Variants in LSAMP observed in about 807,000 individuals in gnomAD.
LSAMP encodes limbic system associated membrane protein.
In LSAMP, 7 loss-of-function variants were observed where a neutral mutation model predicts 38.6. The ratio of observed to expected loss-of-function variants is 0.18; its 90% confidence interval spans 0.10 to 0.34. The LOEUF is 0.34. Ranked by LOEUF, LSAMP falls within the 10% of genes least tolerant of loss-of-function variation. LSAMP has a pLI of 1.00. For missense variants in LSAMP, 313 were observed against 420.0 expected (o/e 0.75, Z 2.23); for synonymous variants, 154 against 166.8 (o/e 0.92, Z 0.59).
chr3:116,400,077 C>G (rs535918294), intron 1 of LSAMP, among the ~76,000 whole-genome samples: 1 of 152,306 alleles, frequency 6.6e-6, no homozygotes, highest in South Asian at 2.1e-4. Context: ...AATATTAAGG[C>G]TACAGTAATA....
At chr3:116,039,136 G>A (rs561645395) in intron 2 of LSAMP, among the ~76,000 whole-genome samples, 94 of 152,326 alleles carry the variant, frequency 6.2e-4, no homozygotes, top group African/African-American at 2.2e-3. Context: ...GTTGAGAAAT[G>A]TAAGCTATTG....
rs2107431804 is a variant in LSAMP, at chr3:115,802,864, T to C, written c.*7453A>G. 6.6e-6 allele frequency: 1 copy of C among 152,268 alleles called. No individual in the cohort carries two copies. Among genetic ancestry groups the C allele is most frequent in the East Asian group, 1.9e-4 (1 of 5,178 alleles). The allele number at this position is 152,268 out of a possible 1,614,324, so 9.4% of individuals were successfully genotyped here. ...GGGAGTTGGAAGTGTTCTCTTTTGC[T>C]TCTCTCCCCCTGAATTTCTTCCCTT... On this transcript the variant is annotated 3_prime_UTR_variant, in exon 7 of 7. Transcript: ENST00000490035.
rs55818433 is a variant in LSAMP, at chr3:116,060,198, G to GTTTTTTT, written c.388+26119_388+26125dup. The stretch of plus-strand genomic sequence containing the variant: ...TTGCCTAAGTCTTTAAAGCAACATA[G>GTTTTTTT]TTTTTTTTTTTTTTACTAGCAGCAT... On this transcript the variant is annotated intron_variant, in intron 2 of 6. Coordinates refer to ENST00000490035, the MANE Select transcript of LSAMP (RefSeq NM_002338.5). Among the ~76,000 whole-genome samples the GTTTTTTT allele has an allele frequency of 4.2e-5, 6 of 142,018 alleles. 1 individual carries two copies. Among genetic ancestry groups the GTTTTTTT allele is most frequent in the African/African-American group, 1.6e-4 (6 of 37,208 alleles). 93.2% of individuals were successfully genotyped at this position (142,018 alleles called of 152,430 possible). A position where few individuals can be genotyped will look rare whatever the true frequency, so the allele number is the denominator to read the frequency against.
At chr3:116,267,690 C>A (rs1024470491) in intron 1 of LSAMP, among the ~76,000 whole-genome samples, 1 of 151,510 alleles carries the variant, frequency 6.6e-6, no homozygotes, top group Non-Finnish European at 1.5e-5. Context: ...TCTGTTCTGA[C>A]GCCATCCTCT....
At position 116,060,198 on chromosome 3, in the gene LSAMP, G is replaced by GTTTTTTTTTTTTT. The variant is rs55818433; in HGVS notation, c.388+26113_388+26125dup. Reference sequence around the variant, plus strand: ...TTGCCTAAGTCTTTAAAGCAACATAGTTTTTTTTTTTTTTACTAGCAGCAT... The same window carrying GTTTTTTTTTTTTT: ...TTGCCTAAGTCTTTAAAGCAACATAGTTTTTTTTTTTTTTTTTTTTTTTTTTTACTAGCAGCAT... On this transcript the variant is annotated intron_variant, in intron 2 of 6. Transcript: ENST00000490035. 6.1e-3 allele frequency among the ~76,000 whole-genome samples: 869 copies of GTTTTTTTTTTTTT among 141,872 alleles called. 17 individuals are homozygous for GTTTTTTTTTTTTT. The highest frequency in any genetic ancestry group is 0.021 in the African/African-American group (773 of 37,080). 93.1% of individuals were successfully genotyped at this position (141,872 alleles called of 152,430 possible).
chr3:116,393,430 T>C (rs2048728616), intron 1 of LSAMP, among the ~76,000 whole-genome samples: 1 of 152,136 alleles, frequency 6.6e-6, no homozygotes, highest in African/African-American at 2.4e-5. Context: ...CCTGAAGCAA[T>C]AGCCAGTGCA....
At chr3:116,127,535 C>T (rs1328899675) in intron 1 of LSAMP, among the ~76,000 whole-genome samples, 2 of 152,070 alleles carry the variant, frequency 1.3e-5, no homozygotes, top group East Asian at 3.8e-4. Context: ...AGTTTTAAAT[C>T]ATTTTCAGAA....
chr3:116,085,672 T>G (rs1707973122), intron 2 of LSAMP, among the ~76,000 whole-genome samples: 1 of 152,132 alleles, frequency 6.6e-6, no homozygotes, highest in South Asian at 2.1e-4. Flanking sequence ...GTGAGTGCCA[T>G]TTAAGGTTTT....
chr3:116,167,560 C>T (rs1038751689), intron 1 of LSAMP, among the ~76,000 whole-genome samples: 10 of 152,174 alleles, frequency 6.6e-5, no homozygotes, highest in Non-Finnish European at 1.3e-4. Context: ...ATCCATTTAT[C>T]CATCCATCTG....
At chr3:116,317,364 T>C (rs961896342) in intron 1 of LSAMP, among the ~76,000 whole-genome samples, 14 of 151,280 alleles carry the variant, frequency 9.3e-5, no homozygotes, top group African/African-American at 2.9e-4. Context: ...TTCTTTTTTT[T>C]TTTTTTTTTG....
chr3:116,396,656 C>A (rs935249330), intron 1 of LSAMP, among the ~76,000 whole-genome samples: 3 of 152,084 alleles, frequency 2.0e-5, no homozygotes, highest in African/African-American at 7.2e-5. Context: ...GCAGTATATC[C>A]ATTATATCTT....
chr3:116,227,169 G>A (rs993420507), intron 1 of LSAMP, among the ~76,000 whole-genome samples: 5 of 152,094 alleles, frequency 3.3e-5, no homozygotes, highest in Middle Eastern at 3.4e-3. Flanking sequence ...CATTTTCAAG[G>A]AAAATCTACC....
intron 3 of LSAMP, among the ~76,000 whole-genome samples, chr3:115,879,616 G>A (rs1936271616): frequency 6.6e-6 from 1 of 152,164 alleles, no homozygotes; most frequent in East Asian, 1.9e-4. Flanking sequence ...TGTACCAATG[G>A]AGGGCAGGGT....
chr3:116,348,376 T>C (rs570513629), intron 1 of LSAMP, among the ~76,000 whole-genome samples: 2 of 152,066 alleles, frequency 1.3e-5, no homozygotes, highest in Non-Finnish European at 2.9e-5. Context: ...ACAGCCCAAG[T>C]GTATTTGGCA....
intron 1 of LSAMP, among the ~76,000 whole-genome samples, chr3:116,188,883 C>T (rs367796211): frequency 2.0e-5 from 3 of 152,260 alleles, no homozygotes; most frequent in East Asian, 3.9e-4. Context: ...GTGAGATTGA[C>T]CATTGATTAA....
chr3:116,168,699 C>T (rs1302728885), intron 1 of LSAMP, among the ~76,000 whole-genome samples: 1 of 152,158 alleles, frequency 6.6e-6, no homozygotes, highest in African/African-American at 2.4e-5. Flanking sequence ...ATGACCCGAA[C>T]ATCTTCCCCA....
intron 1 of LSAMP, among the ~76,000 whole-genome samples, chr3:116,247,120 G>C (rs1268839560): frequency 6.6e-6 from 1 of 152,160 alleles, no homozygotes; most frequent in African/African-American, 2.4e-5. Flanking sequence ...TTTTCAGTTA[G>C]ACATAAAAGT....
chr3:116,006,863 T>C (rs1940174849), intron 3 of LSAMP, among the ~76,000 whole-genome samples: 1 of 152,226 alleles, frequency 6.6e-6, no homozygotes, highest in Non-Finnish European at 1.5e-5. Flanking sequence ...GTCTCCTGGA[T>C]TGTTCTATGA....
chr3:115,982,834 T>C (rs1939401128), intron 3 of LSAMP, among the ~76,000 whole-genome samples: 1 of 152,020 alleles, frequency 6.6e-6, no homozygotes, highest in African/African-American at 2.4e-5. Flanking sequence ...TCTTTTTCTG[T>C]TTATCTGCCT....
Sources: allele counts gnomAD v4.1 joint callset (sites outside exome capture counted in the v4.1 genomes callset), GRCh38; gene constraint gnomAD v4.1.1; transcripts MANE v1.5; gene names NCBI Gene and HGNC (gene_info 2026-07-23, HGNC 2026-07-21).